The following SLC35F3 variants were observed in gnomAD, a reference collection of about 807,000 sequenced individuals.
The protein encoded by SLC35F3 is solute carrier family 35 member F3, also known as putative thiamine transporter SLC35F3.
A neutral mutation model predicts 49.9 loss-of-function variants in SLC35F3; 25 were observed. The ratio of observed to expected loss-of-function variants is 0.50; its 90% CI spans 0.37 to 0.70. The LOEUF is 0.70. Among genes scored for constraint, SLC35F3 ranks in the 30% least tolerant of loss-of-function variants. SLC35F3 has a pLI of 0.00. For synonymous variants in SLC35F3, 275 were observed against 265.4 expected, an observed-to-expected ratio of 1.04 and a Z score of -0.35; for missense variants, 525 against 639.8, an observed-to-expected ratio of 0.82 and a Z score of 1.94.
intron 3 of SLC35F3, among the ~76,000 whole-genome samples, chr1:234,299,826 AG>A (rs1357955570): frequency 7.7e-5 from 11 of 142,774 alleles, no homozygotes; most frequent in African/African-American, 2.6e-4. Flanking sequence ...AAAAAAAAAG[AG>A]AAGAAAAAAA....
At position 234,027,713 on chromosome 1, in the gene SLC35F3, TTTTG is replaced by T. The variant is rs1663999067; in HGVS notation, c.283+121963_283+121966del. ...AGTTGTTTGGATGAAGAGAGGGTAA[TTTTG>T]TTTGTTTATTCCCTGTATTCCTTCA... is the stretch of plus-strand genomic sequence containing the variant. On this transcript the variant is annotated intron_variant, in intron 2 of 7. Transcript: ENST00000366618. The surrounding 1 kb of genome is among the most constrained non-coding windows in gnomAD (Gnocchi z 4.1). Among the ~76,000 whole-genome samples the T allele has an allele frequency of 1.3e-5, 2 of 152,126 alleles. No individual in the cohort carries two copies. The highest frequency in any genetic ancestry group is 4.8e-5 in the African/African-American group (2 of 41,422).
intron 2 of SLC35F3, among the ~76,000 whole-genome samples, chr1:234,020,935 C>T (rs572767661): frequency 1.3e-5 from 2 of 152,216 alleles, no homozygotes; most frequent in East Asian, 3.9e-4. Flanking sequence ...TTGAGATGCT[C>T]GAAATGCAAA....
intron 2 of SLC35F3, among the ~76,000 whole-genome samples, chr1:233,967,619 G>A (rs191803319): frequency 1.2e-4 from 18 of 152,254 alleles, no homozygotes; most frequent in Non-Finnish European, 2.4e-4. Flanking sequence ...GACCAATGTG[G>A]AACCCAGTAA....
chr1:233,905,423 C>T (rs542359295), intron 1 of SLC35F3, 106 bp from the exon 2 acceptor site: 2 of 898,340 alleles, frequency 2.2e-6, no homozygotes, highest in East Asian at 2.7e-5. Flanking sequence ...CGGAGGGCCC[C>T]GGCCGCGCTC....
chr1:234,165,560 CT>C (rs2102915810), intron 2 of SLC35F3, among the ~76,000 whole-genome samples: 1 of 152,104 alleles, frequency 6.6e-6, no homozygotes, highest in African/African-American at 2.4e-5. Flanking sequence ...TTTTTTCTCC[CT>C]TTTTGTGGAG....
At chr1:234,305,841 TC>T (rs1657155702) in intron 3 of SLC35F3, among the ~76,000 whole-genome samples, 1 of 152,188 alleles carries the variant, frequency 6.6e-6, no homozygotes, top group African/African-American at 2.4e-5. Context: ...ACAAGCAGGA[TC>T]AGAAGTAAAT....
At chr1:233,915,762 A>T (rs11810035) in intron 2 of SLC35F3, among the ~76,000 whole-genome samples, 13,091 of 152,222 alleles carry the variant, frequency 0.086, 725 homozygotes, top group Middle Eastern at 0.15. Context: ...TCTTACATGG[A>T]TGGCTGCAGG....
intron 3 of SLC35F3, among the ~76,000 whole-genome samples, chr1:234,297,338 G>A (rs1209392521): frequency 6.6e-6 from 1 of 152,162 alleles, no homozygotes; most frequent in Non-Finnish European, 1.5e-5. Context: ...ATGTTAAAGA[G>A]GTAATGTCTG....
intron 2 of SLC35F3, among the ~76,000 whole-genome samples, chr1:234,222,871 A>G (rs1170486318): frequency 6.6e-6 from 1 of 152,190 alleles, no homozygotes; most frequent in African/African-American, 2.4e-5. Context: ...GCAGCACCAA[A>G]ACATCACCAG....
chr1:233,961,535 C>T (rs1371826931), intron 2 of SLC35F3, among the ~76,000 whole-genome samples: 1 of 148,342 alleles, frequency 6.7e-6, no homozygotes, highest in African/African-American at 2.5e-5. Context: ...CGGCTCACTG[C>T]AGCCTCTGCC....
chr1:234,146,376 A>G (rs1223814135), intron 2 of SLC35F3, among the ~76,000 whole-genome samples: 1 of 150,066 alleles, frequency 6.7e-6, no homozygotes, highest in African/African-American at 2.5e-5. Flanking sequence ...TTTCCATGAT[A>G]TTACTATTGC....
chr1:234,007,118 G>A (rs561373996), intron 2 of SLC35F3, among the ~76,000 whole-genome samples: 1 of 152,074 alleles, frequency 6.6e-6, no homozygotes, highest in South Asian at 2.1e-4. Context: ...CAGATGGTGG[G>A]CTGGATTTGG....
intron 3 of SLC35F3, among the ~76,000 whole-genome samples, chr1:234,288,613 C>T (rs1028810884): frequency 2.6e-5 from 4 of 152,194 alleles, no homozygotes; most frequent in African/African-American, 7.2e-5. Context: ...AAAAGATAAT[C>T]AAGGAGTTTC....
intron 2 of SLC35F3, among the ~76,000 whole-genome samples, chr1:233,939,459 A>G (rs1662387309): frequency 6.6e-6 from 1 of 152,230 alleles, no homozygotes; most frequent in Non-Finnish European, 1.5e-5. Flanking sequence ...TGTCTCCGAA[A>G]AGAAAAAAAA....
At chr1:233,972,665 A>C (rs1047443239) in intron 2 of SLC35F3, among the ~76,000 whole-genome samples, 2 of 150,616 alleles carry the variant, frequency 1.3e-5, no homozygotes, top group Admixed American at 6.6e-5. Flanking sequence ...TCATCATCAT[A>C]ATTATTACAA....
At chr1:234,283,059 A>G (rs1668354815) in intron 3 of SLC35F3, among the ~76,000 whole-genome samples, 1 of 152,216 alleles carries the variant, frequency 6.6e-6, no homozygotes, top group Non-Finnish European at 1.5e-5. Flanking sequence ...ACCCAGAAAC[A>G]GCCTTGGATG....
chr1:234,088,281 C>G (rs1664989831), intron 2 of SLC35F3, among the ~76,000 whole-genome samples: 1 of 152,174 alleles, frequency 6.6e-6, no homozygotes, highest in Admixed American at 6.5e-5. Context: ...GATCTCGGCT[C>G]ACTGCAACCT....
At chr1:234,059,568 T>C (rs930828278) in intron 2 of SLC35F3, among the ~76,000 whole-genome samples, 2 of 151,748 alleles carry the variant, frequency 1.3e-5, no homozygotes, top group African/African-American at 2.4e-5. Flanking sequence ...TAACAGGAGA[T>C]AGAGGTAGAG....
intron 2 of SLC35F3, among the ~76,000 whole-genome samples, chr1:234,054,432 G>A (rs144102687): frequency 1.3e-3 from 204 of 151,980 alleles, no homozygotes; most frequent in African/African-American, 4.6e-3. Flanking sequence ...TGATCGAATC[G>A]GCTACTGAAG....
Sources: gnomAD v4.1 joint callset for allele counts (sites outside exome capture counted in the v4.1 genomes callset) on GRCh38, gnomAD v4.1.1 for gene constraint, Gnocchi (gnomAD v3.1) non-coding constraint, MANE v1.5 for transcripts, NCBI Gene and HGNC (gene_info 2026-07-23, HGNC 2026-07-21) for gene names.